The following LRRC37A2 variants were observed in gnomAD, a reference collection of about 807,000 sequenced individuals.
LRRC37A2 encodes the protein leucine-rich repeat-containing protein 37A2.
LRRC37A2 carries 9 observed loss-of-function variants against 68.8 expected under a neutral mutation model. The observed-to-expected ratio is 0.13, with a 90% CI of 0.08 to 0.23. The LOEUF (loss-of-function observed/expected upper bound fraction) is 0.23. Ranked by LOEUF, LRRC37A2 falls within the 10% of genes least tolerant of loss-of-function variation. The pLI is 1.00. For missense variants in LRRC37A2, 168 were observed against 950.4 expected (o/e 0.18, Z 10.82); for synonymous variants, 63 against 367.6 (o/e 0.17, Z 9.48).
chr17:46,532,810 T>TTCTG (rs1451980838), intron 6 of LRRC37A2, among the ~76,000 whole-genome samples: 1 of 149,448 alleles, frequency 6.7e-6, no homozygotes, highest in Non-Finnish European at 1.5e-5. Flanking sequence ...TAATTTGGTC[T>TTCTG]TCTGTATTTT....
chr17:46,966,465 A>G, the LRRC37A2 span: 33 of 628,080 alleles, frequency 5.3e-5, no homozygotes, highest in African/African-American at 5.8e-4. Context: ...CTCCCATCTC[A>G]GCCTCCAGGG....
At chr17:47,040,042 T>C in the LRRC37A2 span, among the ~76,000 whole-genome samples, 1 of 151,972 alleles carries the variant, frequency 6.6e-6, no homozygotes, top group Admixed American at 6.6e-5. Context: ...TTTATTGATA[T>C]TCTCTATTTG....
At chr17:46,708,198 G>C in the LRRC37A2 span, among the ~76,000 whole-genome samples, 2 of 151,942 alleles carry the variant, frequency 1.3e-5, no homozygotes, top group East Asian at 3.9e-4. Flanking sequence ...AGTTCTTTCG[G>C]GTATATACTC....
chr17:46,979,175 C>T, the LRRC37A2 span: 2 of 692,310 alleles, frequency 2.9e-6, no homozygotes, highest in Non-Finnish European at 4.2e-6. Flanking sequence ...CCGCCTACCC[C>T]TGGGCACCGG....
the LRRC37A2 span, chr17:46,948,579 G>T: frequency 1.3e-5 from 2 of 152,260 alleles, no homozygotes; most frequent in African/African-American, 2.4e-5. Context: ...CAGTGTCCTC[G>T]TAGGGGAAAT....
exon 10 of LRRC37A2, chr17:46,548,544 A>G (rs1450347633): frequency 1.4e-6 from 2 of 1,467,760 alleles, no homozygotes; most frequent in Admixed American, 1.9e-5. Context: ...TAGATGTGAA[A>G]TCACTGTTAC....
At chr17:46,679,124 G>GA in the LRRC37A2 span, among the ~76,000 whole-genome samples, 4 of 152,034 alleles carry the variant, frequency 2.6e-5, no homozygotes, top group Admixed American at 2.6e-4. Context: ...AAAGGAAAAT[G>GA]AATTATTACC....
At chr17:47,000,034 A>ATAAAATAAAATAAAAT in the LRRC37A2 span, among the ~76,000 whole-genome samples, 2 of 24,578 alleles carry the variant, frequency 8.1e-5, no homozygotes, top group African/African-American at 1.5e-4. Flanking sequence ...AAAATAAAAT[A>ATAAAATAAAATAAAAT]AAATAAAATA....
chr17:46,866,754 G>C, the LRRC37A2 span, among the ~76,000 whole-genome samples: 2 of 152,084 alleles, frequency 1.3e-5, no homozygotes, highest in African/African-American at 2.4e-5. Context: ...GGCATTACCT[G>C]GTGCCCTAGA....
chr17:46,990,763 T>C, the LRRC37A2 span, among the ~76,000 whole-genome samples: 10 of 152,104 alleles, frequency 6.6e-5, no homozygotes, highest in African/African-American at 2.4e-4. Flanking sequence ...CTCCACCTCC[T>C]GGATTCAAGC....
At chr17:47,004,691 G>A in the LRRC37A2 span, among the ~76,000 whole-genome samples, 4 of 152,092 alleles carry the variant, frequency 2.6e-5, no homozygotes, top group East Asian at 1.9e-4. Flanking sequence ...ACTATGCCCC[G>A]CTAATTTACT....
the LRRC37A2 span, among the ~76,000 whole-genome samples, chr17:46,818,984 C>G: frequency 6.6e-6 from 1 of 152,178 alleles, no homozygotes; most frequent in African/African-American, 2.4e-5. Flanking sequence ...GCCGCGGTCC[C>G]CCGCTGGCCA....
chr17:46,750,029 T>G, the LRRC37A2 span: 4 of 1,140,552 alleles, frequency 3.5e-6, no homozygotes, highest in Non-Finnish European at 5.0e-6. Flanking sequence ...GACCCGGGGA[T>G]ATTACAGGTT....
chr17:46,789,896 C>G, the LRRC37A2 span, among the ~76,000 whole-genome samples: 1 of 152,348 alleles, frequency 6.6e-6, no homozygotes, highest in Non-Finnish European at 1.5e-5. Context: ...CGATTCCACT[C>G]TCTACCTTTC....
chr17:46,788,190 A>G, the LRRC37A2 span, among the ~76,000 whole-genome samples: 1 of 152,188 alleles, frequency 6.6e-6, no homozygotes, highest in Non-Finnish European at 1.5e-5. Flanking sequence ...GAGCTTGGCC[A>G]TCTGTTTCTT....
the LRRC37A2 span, among the ~76,000 whole-genome samples, chr17:46,496,742 C>T: frequency 2.3e-5 from 3 of 131,848 alleles, no homozygotes; most frequent in African/African-American, 8.7e-5. Context: ...TGGTGAAACC[C>T]CGTCTCTACT....
chr17:46,894,960 T>A, the LRRC37A2 span, among the ~76,000 whole-genome samples: 1 of 152,152 alleles, frequency 6.6e-6, no homozygotes, highest in African/African-American at 2.4e-5. Flanking sequence ...GGGCCTGTGC[T>A]CGGGACGGGA....
At chr17:46,865,617 A>G in the LRRC37A2 span, among the ~76,000 whole-genome samples, 1 of 151,988 alleles carries the variant, frequency 6.6e-6, no homozygotes, top group East Asian at 1.9e-4. Flanking sequence ...TGCTTAGAAA[A>G]GTCCTTTTTG....
the LRRC37A2 span, chr17:46,714,034 G>A: frequency 6.4e-7 from 1 of 1,561,918 alleles, no homozygotes; most frequent in Non-Finnish European, 8.7e-7. Flanking sequence ...TTAAATGTGT[G>A]TGTGTGTGCA....
Sources: allele counts gnomAD v4.1 joint callset (sites outside exome capture counted in the v4.1 genomes callset), GRCh38; gene constraint gnomAD v4.1.1; transcripts MANE v1.5; gene names NCBI Gene and HGNC (gene_info 2026-07-23, HGNC 2026-07-21).